RAPGEF5: variants seen among roughly 807,000 people sequenced by gnomAD.
RAPGEF5 encodes the protein M-Ras-regulated GEF.
Under a neutral mutation model 125.2 loss-of-function variants are expected in RAPGEF5, and 65 were observed. The ratio of observed to expected loss-of-function variants is 0.52; its 90% CI spans 0.43 to 0.64. The LOEUF is 0.64. Among genes scored for constraint, RAPGEF5 ranks in the 30% least tolerant of loss-of-function variants. The pLI is 0.00. For synonymous variants in RAPGEF5, 391 were observed against 385.9 expected (o/e 1.01, Z -0.16); for missense variants, 958 against 1,048.1 (o/e 0.91, Z 1.19).
chr7:22,147,106 A>G (rs537492599), intron 18 of RAPGEF5, 87 bp from the exon 19 acceptor site: 3 of 1,473,790 alleles, frequency 2.0e-6, no homozygotes, highest in Non-Finnish European at 2.7e-6. Flanking sequence ...CTAGAAGCTC[A>G]GATTAGCAAA....
At chr7:22,301,608 C>A in intron 5 of RAPGEF5, among the ~76,000 whole-genome samples, 1 of 111,390 alleles carries the variant, frequency 9.0e-6, no homozygotes. Context: ...GAGTGAGACT[C>A]TGTCTCAAAA....
chr7:22,257,147 T>C (rs1479348031), intron 7 of RAPGEF5, among the ~76,000 whole-genome samples: 3 of 152,190 alleles, frequency 2.0e-5, no homozygotes, highest in Non-Finnish European at 4.4e-5. Context: ...TAATTAACAG[T>C]TTTACTACAA....
chr7:22,278,241 G>C (rs1169088084), intron 6 of RAPGEF5, among the ~76,000 whole-genome samples: 1 of 151,906 alleles, frequency 6.6e-6, no homozygotes, highest in East Asian at 1.9e-4. Flanking sequence ...CAAGTCTTAC[G>C]ATCTATCTAG....
chr7:22,262,380 C>T (rs1765803244), intron 7 of RAPGEF5, among the ~76,000 whole-genome samples: 1 of 152,178 alleles, frequency 6.6e-6, no homozygotes, highest in African/African-American at 2.4e-5. Context: ...ATACGCCTAT[C>T]AGAATGGCTA....
intron 7 of RAPGEF5, among the ~76,000 whole-genome samples, chr7:22,237,930 G>C (rs1368207657): frequency 1.3e-5 from 2 of 152,166 alleles, no homozygotes; most frequent in African/African-American, 4.8e-5. Context: ...AGTTTGTGGG[G>C]AGGGGGTTAA....
chr7:22,154,703 C>CT, intron 16 of RAPGEF5, 99 bp from the exon 17 acceptor site: 1 of 1,340,194 alleles, frequency 7.5e-7, no homozygotes, highest in South Asian at 1.4e-5. Context: ...TCTAAATCAA[C>CT]CCACCTGGCT....
intron 9 of RAPGEF5, 35 bp from the exon 10 acceptor site, chr7:22,194,068 G>C: frequency 6.5e-7 from 1 of 1,538,576 alleles, no homozygotes; most frequent in South Asian, 1.2e-5. Flanking sequence ...GATGAGAGAA[G>C]GAAAAAGAGA....
At position 22,139,059 on chromosome 7, in the gene RAPGEF5, G is replaced by T. The variant is rs905365464; in HGVS notation, c.2277+966C>A. 1.4e-4 allele frequency among the ~76,000 whole-genome samples: 21 copies of T among 152,264 alleles called. 1 individual carries two copies. The highest frequency in any genetic ancestry group is 5.1e-4 in the African/African-American group (21 of 41,562). ...GGGTCAGCACAGTGCATTCCTTCAGGGTATGACCCCTGACTGAAAGAAAGC... is the reference window on the plus strand; with the variant it reads ...GGGTCAGCACAGTGCATTCCTTCAGTGTATGACCCCTGACTGAAAGAAAGC... On this transcript the variant is annotated intron_variant, in intron 21 of 25. Coordinates refer to ENST00000665637, the MANE Select transcript of RAPGEF5 (RefSeq NM_012294.5).
chr7:22,319,023 C>T (rs747261486), intron 1 of RAPGEF5, among the ~76,000 whole-genome samples: 1 of 152,104 alleles, frequency 6.6e-6, no homozygotes, highest in Non-Finnish European at 1.5e-5. Flanking sequence ...ACTGTATGAA[C>T]TTAATATTAT....
chr7:22,283,554 A>C (rs1227995862), intron 6 of RAPGEF5, among the ~76,000 whole-genome samples: 4 of 152,188 alleles, frequency 2.6e-5, no homozygotes, highest in South Asian at 2.1e-4. Flanking sequence ...CACAAAGAAG[A>C]AGCCAAATAT....
chr7:22,337,729 G>A (rs1361254087), intron 1 of RAPGEF5, among the ~76,000 whole-genome samples: 1 of 152,186 alleles, frequency 6.6e-6, no homozygotes, highest in Non-Finnish European at 1.5e-5. Context: ...TTACAAAGGT[G>A]CTTTCAGTGG....
intron 6 of RAPGEF5, among the ~76,000 whole-genome samples, chr7:22,290,819 T>C (rs1454628036): frequency 6.6e-6 from 1 of 152,122 alleles, no homozygotes; most frequent in Non-Finnish European, 1.5e-5. Context: ...CGGCCTTTTT[T>C]GGCTGAAGTA....
intron 1 of RAPGEF5, among the ~76,000 whole-genome samples, chr7:22,342,579 A>T (rs1784149089): frequency 6.6e-6 from 1 of 152,204 alleles, no homozygotes; most frequent in Non-Finnish European, 1.5e-5. Context: ...TGCTTCACTT[A>T]TAAAACTGAA....
rs1344282056 is a variant in RAPGEF5 at position 22,317,977 on chromosome 7, G to C, written c.282+10C>G. 5.8e-6 allele frequency: 9 copies of C among 1,547,800 alleles called. No homozygotes were observed. Among genetic ancestry groups the C allele is most frequent in the Non-Finnish European group, 7.0e-6 (8 of 1,146,330 alleles). ...TTCAGAAAAGGCAGTAAAAGAGAAA[G>C]GAATCATACCTGGGAAGGCGTATGT... On this transcript the variant is annotated intron_variant, in intron 2 of 25. Coordinates refer to ENST00000665637, the MANE Select transcript of RAPGEF5 (RefSeq NM_012294.5).
chr7:22,249,518 C>CA (rs1331264569), intron 7 of RAPGEF5, among the ~76,000 whole-genome samples: 4 of 151,288 alleles, frequency 2.6e-5, no homozygotes, highest in Non-Finnish European at 4.4e-5. Flanking sequence ...CAAATCCGCT[C>CA]AAAAAAAAGA....
chr7:22,161,427 G>C (rs1397703296), intron 13 of RAPGEF5, among the ~76,000 whole-genome samples: 1 of 151,794 alleles, frequency 6.6e-6, no homozygotes, highest in Non-Finnish European at 1.5e-5. Context: ...GTCCCAGATA[G>C]TCAGGAGGGT....
intron 7 of RAPGEF5, among the ~76,000 whole-genome samples, chr7:22,261,168 A>G (rs1317166738): frequency 6.6e-6 from 1 of 152,234 alleles, no homozygotes; most frequent in African/African-American, 2.4e-5. Context: ...TTATGAGGAA[A>G]TAATTGGAAA....
chr7:22,335,843 T>C (rs538476389), intron 1 of RAPGEF5, among the ~76,000 whole-genome samples: 1 of 152,324 alleles, frequency 6.6e-6, no homozygotes, highest in South Asian at 2.1e-4. Flanking sequence ...CTACTTTTCA[T>C]ACAAACATGC....
At chr7:22,323,951 T>G (rs1783764977) in intron 1 of RAPGEF5, among the ~76,000 whole-genome samples, 1 of 152,138 alleles carries the variant, frequency 6.6e-6, no homozygotes, top group East Asian at 1.9e-4. Context: ...TAATAAATGT[T>G]GCAGGCAAAA....
Sources: allele counts gnomAD v4.1 joint callset (sites outside exome capture counted in the v4.1 genomes callset), GRCh38; gene constraint gnomAD v4.1.1; transcripts MANE v1.5; gene names NCBI Gene and HGNC (gene_info 2026-07-23, HGNC 2026-07-21).